Variants in DHX37 observed in about 807,000 individuals in gnomAD.
DHX37 encodes probable ATP-dependent RNA helicase DHX37.
A neutral mutation model predicts 134.3 loss-of-function variants in DHX37; 52 were observed. That is an observed-to-expected ratio of 0.39 (90% CI 0.31 to 0.49). The LOEUF (loss-of-function observed/expected upper bound fraction) is 0.49, where lower values mean the gene tolerates loss of function less well. Ranked by LOEUF, DHX37 falls within the 20% of genes least tolerant of loss-of-function variation. The pLI, the probability that DHX37 is intolerant of heterozygous loss-of-function variation, is 0.93. For synonymous variants in DHX37, 634 were observed against 670.7 expected, an observed-to-expected ratio of 0.95 and a Z score of 0.85; for missense variants, 1,344 against 1,580.8, an observed-to-expected ratio of 0.85 and a Z score of 2.54.
At chr12:124,983,107 G>A (rs554899082) in intron 2 of DHX37, among the ~76,000 whole-genome samples, 2 of 152,116 alleles carry the variant, frequency 1.3e-5, no homozygotes, top group South Asian at 4.2e-4. Context: ...GTACATATAG[G>A]TTTTATACAC....
At position 124,960,421 on chromosome 12, in the gene DHX37, A is replaced by G; in HGVS notation, c.2048T>C (p.Leu683Pro). The G allele has an allele frequency of 6.2e-7, 1 of 1,608,694 alleles. No homozygotes were observed. Among genetic ancestry groups the G allele is most frequent in the Non-Finnish European group, 8.5e-7 (1 of 1,175,156 alleles). ...GTCACCAAAAACCGCAGATGAATAC[A>G]GCCTGGATGGAGAGAAACCGGGACA... ...GRTEPGHCYR[L>P]YSSAVFGDFE... The change falls in exon 16 of 27, where the codon CTG becomes CCG. Residue 683 changes from leucine (L) to proline (P), a missense_variant and splice_region_variant. Coordinates refer to ENST00000308736, the MANE Select transcript of DHX37 (RefSeq NM_032656.4).
rs374570839 is a variant in DHX37, at chr12:124,972,652, G to A, written c.981-53C>T. On this transcript the variant is annotated intron_variant, in intron 6 of 26. Transcript: ENST00000308736. ...AGAGCCGTGCCTGGCTGGGGCTGTC[G>A]CCACGGGGCCACTACAAGGCAGGCC... The A allele has an allele frequency of 5.7e-6, 9 of 1,573,200 alleles. No individual in the cohort carries two copies. In the East Asian group the frequency reaches 6.7e-5, roughly 12 times the overall value.
In DHX37 at chr12:124,968,596, A is replaced by C. The variant is rs754626125; in HGVS notation, c.1346T>G (p.Leu449Arg). 5.6e-5 allele frequency: 91 copies of C among 1,614,024 alleles called. No individual in the cohort carries two copies. In the South Asian group the frequency reaches 9.9e-4, roughly 18 times the overall value. Residue 449 changes from leucine to arginine, a missense_variant, in exon 10 of 27, where the codon CTG (leucine) becomes CGG (arginine). Around this residue, in one of 7 missense-constraint regions of DHX37, gnomAD observed 289 missense variants for 323.8 expected, o/e 0.89. Coordinates refer to ENST00000308736, the MANE Select transcript of DHX37 (RefSeq NM_032656.4). ...GAAGCACTCGCCACTGTAGTCTTCC[A>C]GCGGTGTCCGCTTGTTGAAATGCAC... ...VTVHFNKRTP[L>R]EDYSGECFRK... is the part of the protein sequence containing the mutation.
At chr12:124,971,451 G>A in intron 7 of DHX37, 36 bp from the exon 8 acceptor site, 1 of 1,606,650 alleles carries the variant, frequency 6.2e-7, no homozygotes, top group Non-Finnish European at 8.5e-7. Flanking sequence ...CACCCTTCCA[G>A]CCTAAGCCCC....
rs377030242 is a variant in DHX37, at chr12:124,965,804, G to A, written c.1599C>T (p.Pro533=). 6.2e-6 allele frequency: 10 copies of A among 1,613,308 alleles called. No individual in the cohort carries two copies. The highest frequency in any genetic ancestry group is 1.1e-5 in the South Asian group (1 of 90,882). The change falls in exon 13 of 27, where the codon CCC becomes CCT. Residue 533 remains proline, a synonymous_variant. Coordinates refer to ENST00000308736, the MANE Select transcript of DHX37 (RefSeq NM_032656.4). ...RAKKARAEVL[P]QINLDHYSVL... ...CCGAGTAATGATCCAAGTTGATCTG[G>A]GGCAGCACCTACGGCGAACAAGACA... is the stretch of plus-strand genomic sequence containing the variant.
At position 124,964,984 on chromosome 12, in the gene DHX37, G is replaced by A. The variant is rs1213523416; in HGVS notation, c.1758C>T (p.Leu586=). ...QDGGEQPDAS[L]PLHVLPLYSL... is the part of the protein sequence containing the mutation. ...AGTACAGCGGGAGCACGTGGAGCGG[G>A]AGGGAGGCATCCGGCTGCTCACCTG... The change falls in exon 14 of 27, where the codon CTC becomes CTT. Residue 586 remains leucine, a synonymous_variant. Coordinates refer to ENST00000308736, the MANE Select transcript of DHX37 (RefSeq NM_032656.4). 8 of 1,598,712 alleles carry A rather than the reference G, an allele frequency of 5.0e-6. No individual in the cohort carries two copies. The highest frequency in any genetic ancestry group is 6.0e-6 in the Non-Finnish European group (7 of 1,174,408).
intron 6 of DHX37, among the ~76,000 whole-genome samples, chr12:124,973,318 C>T (rs770182314): frequency 2.0e-5 from 3 of 151,294 alleles, no homozygotes; most frequent in Non-Finnish European, 2.9e-5. Context: ...GCAGGAGAAT[C>T]GTTTGAACCC....
intron 18 of DHX37, among the ~76,000 whole-genome samples, chr12:124,956,390 T>G (rs150855941): frequency 9.8e-5 from 15 of 152,356 alleles, no homozygotes; most frequent in Non-Finnish European, 7.3e-5. Flanking sequence ...AATTGTTCAT[T>G]CTAAGAATTA....
At chr12:124,985,462 C>T (rs1319184118) in intron 2 of DHX37, among the ~76,000 whole-genome samples, 1 of 151,746 alleles carries the variant, frequency 6.6e-6, no homozygotes, top group Non-Finnish European at 1.5e-5. Context: ...GTTGGCTGGG[C>T]ATGGTGGTTC....
At chr12:124,978,073 G>A (rs1433014858) in intron 4 of DHX37, among the ~76,000 whole-genome samples, 1 of 152,062 alleles carries the variant, frequency 6.6e-6, no homozygotes, top group African/African-American at 2.4e-5. Context: ...CGATTCTCCC[G>A]CCTCAGCCTC....
chr12:124,966,785 C>A lies in DHX37; in HGVS notation c.1590+8G>T. ...CTCTCCAGGAGTCCCTGCCAGCCCC[C>A]CACGTACCTCAGCCCGCGCCTTCTT... On this transcript the variant is annotated splice_region_variant and intron_variant, in intron 12 of 26. Transcript: ENST00000308736. 1 of 1,614,220 alleles carries A rather than the reference C, an allele frequency of 6.2e-7. No homozygotes were observed. The highest frequency in any genetic ancestry group is 8.5e-7 in the Non-Finnish European group (1 of 1,180,008).
intron 6 of DHX37, 43 bp from the exon 7 acceptor site, chr12:124,972,642 TG>T (rs1219433909): frequency 1.2e-5 from 20 of 1,606,420 alleles, no homozygotes; most frequent in Non-Finnish European, 1.6e-5. Context: ...CGTGCCTGGC[TG>T]GGGCTGTCGC....
intron 2 of DHX37, among the ~76,000 whole-genome samples, chr12:124,984,863 G>GA (rs1954833823): frequency 6.6e-6 from 1 of 152,164 alleles, no homozygotes; most frequent in Non-Finnish European, 1.5e-5. Context: ...ACCCTATTTG[G>GA]AAAAAGGTTT....
At chr12:124,971,569 G>T in intron 7 of DHX37, 154 bp from the exon 8 acceptor site, 1 of 812,376 alleles carries the variant, frequency 1.2e-6, no homozygotes, top group Middle Eastern at 6.3e-4. Context: ...CCGCAGAGTG[G>T]GAGGGCAGGT....
At chr12:124,950,964 G>A in intron 21 of DHX37, 160 bp from the exon 22 acceptor site, 1 of 741,256 alleles carries the variant, frequency 1.3e-6, no homozygotes, top group Non-Finnish European at 1.6e-6. Flanking sequence ...GCTGGAGTCT[G>A]ATCCAGCCGT....
At chr12:124,975,228 G>T (rs533210154) in intron 6 of DHX37, among the ~76,000 whole-genome samples, 191 bp downstream of exon 6, 14 of 152,276 alleles carry the variant, frequency 9.2e-5, no homozygotes, top group African/African-American at 3.4e-4. Context: ...ACGTAAGCTT[G>T]CTTGGAGGCC....
chr12:124,984,458 G>A (rs1360064529), intron 2 of DHX37, among the ~76,000 whole-genome samples: 2 of 152,158 alleles, frequency 1.3e-5, no homozygotes, highest in East Asian at 1.9e-4. Flanking sequence ...ACTTGAACCC[G>A]GGAGGTGGAG....
rs1016847186 is a variant in DHX37, at chr12:124,980,214, G to A, written c.738+276C>T. Among the ~76,000 whole-genome samples, 4 of 152,238 alleles carry A rather than the reference G, an allele frequency of 2.6e-5. No individual in the cohort carries two copies. The highest frequency in any genetic ancestry group is 3.9e-4 in the East Asian group (2 of 5,188). ...GATCGGGGCAGCCCAGGCCAGGCCCGCTGGTCAGAGGGCAGTGGCGATGAA... is the reference window on the plus strand; with the variant it reads ...GATCGGGGCAGCCCAGGCCAGGCCCACTGGTCAGAGGGCAGTGGCGATGAA... On this transcript the variant is annotated intron_variant, in intron 4 of 26. Coordinates refer to ENST00000308736, the MANE Select transcript of DHX37 (RefSeq NM_032656.4). This position sits in a 1 kb window ranked among gnomAD's most constrained non-coding sequence, Gnocchi z 5.3.
At chr12:124,981,580 A>G (rs1954761808) in intron 3 of DHX37, among the ~76,000 whole-genome samples, 1 of 152,112 alleles carries the variant, frequency 6.6e-6, no homozygotes, top group Non-Finnish European at 1.5e-5. Flanking sequence ...GACCACAGGC[A>G]TGAGCCACCA....
Sources: gnomAD v4.1 joint callset for allele counts (sites outside exome capture counted in the v4.1 genomes callset) on GRCh38, gnomAD v4.1.1 for gene constraint, gnomAD v4.1.1 regional missense constraint, Gnocchi (gnomAD v3.1) non-coding constraint, MANE v1.5 for transcripts, NCBI Gene and HGNC (gene_info 2026-07-23, HGNC 2026-07-21) for gene names.